Variants in DNAH3 observed in about 807,000 individuals in gnomAD.
DNAH3 encodes the protein dynein axonemal heavy chain 3, also known as axonemal beta dynein heavy chain 3.
DNAH3 carries 332 observed loss-of-function variants against 432.5 expected under a neutral mutation model. The observed-to-expected ratio is 0.77, with a 90% CI of 0.70 to 0.84. DNAH3 has a LOEUF of 0.84. DNAH3 is among the 40% of genes least tolerant of loss of function. The pLI is 0.00. For synonymous variants in DNAH3, 1,956 were observed against 1,900.2 expected (o/e 1.03, Z -0.76); for missense variants, 4,861 against 5,114.0 (o/e 0.95, Z 1.51).
intron 19 of DNAH3, among the ~76,000 whole-genome samples, chr16:21,084,016 G>A (rs923171024): frequency 6.6e-6 from 1 of 152,048 alleles, no homozygotes; most frequent in Non-Finnish European, 1.5e-5. Flanking sequence ...CCTACTGCCC[G>A]CTCCCTTCCT....
chr16:21,089,917 T>TA (rs1396501691), intron 18 of DNAH3, among the ~76,000 whole-genome samples: 1 of 151,716 alleles, frequency 6.6e-6, no homozygotes, highest in African/African-American at 2.4e-5. Context: ...AAAAAAAAGA[T>TA]AAACTTCTAG....
At chr16:20,952,265 T>C (rs1009093680) in intron 56 of DNAH3, among the ~76,000 whole-genome samples, 168 bp downstream of exon 56, 17 of 152,174 alleles carry the variant, frequency 1.1e-4, no homozygotes, top group African/African-American at 4.1e-4. Flanking sequence ...TTTTTTTGTT[T>C]GTTTGTTTCC....
chr16:21,112,599 C>G (rs1235750684), intron 12 of DNAH3, among the ~76,000 whole-genome samples: 1 of 152,152 alleles, frequency 6.6e-6, no homozygotes, highest in African/African-American at 2.4e-5. Flanking sequence ...CCCCATGGTT[C>G]AATGACCTCC....
At chr16:20,944,768 T>C in intron 57 of DNAH3, 105 bp from the exon 58 acceptor site, 1 of 1,023,292 alleles carries the variant, frequency 9.8e-7, no homozygotes. Flanking sequence ...ACTGTATCAG[T>C]AGCACAGGAC....
Position 20,974,934 on chromosome 16 carries a change from T to C in DNAH3, c.8259+299A>G, listed in dbSNP as rs376202105. On this transcript the variant is annotated intron_variant, in intron 51 of 61. Transcript: ENST00000261383. ...CCCAGGTTCAAGCAATTCCCCTGCC[T>C]CAGCTTCCTGAGTAGCTCGGATTAC... Among the ~76,000 whole-genome samples, 13 of 150,974 alleles carry C rather than the reference T, an allele frequency of 8.6e-5. No individual in the cohort carries two copies. In the East Asian group the frequency reaches 2.3e-3, roughly 27 times the overall value.
At chr16:20,985,712 G>C (rs759215220) in exon 48 of DNAH3, 3 of 1,611,600 alleles carry the variant, frequency 1.9e-6, no homozygotes, top group Non-Finnish European at 2.5e-6. Flanking sequence ...AAGTGGATAA[G>C]CACCTGTAAG....
At chr16:20,963,796 C>T (rs760740628) in exon 53 of DNAH3, 42 of 1,613,874 alleles carry the variant, frequency 2.6e-5, no homozygotes, top group South Asian at 4.4e-5. Context: ...AAACAGAGAA[C>T]GGCACACGTT....
At chr16:21,117,985 TTTTTGTTTTG>T (rs970459254) in intron 11 of DNAH3, among the ~76,000 whole-genome samples, 1 of 152,066 alleles carries the variant, frequency 6.6e-6, no homozygotes, top group African/African-American at 2.4e-5. Flanking sequence ...CGTGGGTTTT[TTTTTGTTTTG>T]TTTTGTTTTT....
exon 53 of DNAH3, chr16:20,965,153 C>A (rs767157348): frequency 6.2e-7 from 1 of 1,614,128 alleles, no homozygotes; most frequent in Non-Finnish European, 8.5e-7. Context: ...TTCCCCTCTG[C>A]CTCCCTCAGT....
intron 41 of DNAH3, among the ~76,000 whole-genome samples, chr16:21,015,622 G>A (rs924461833): frequency 2.0e-5 from 3 of 152,168 alleles, no homozygotes; most frequent in African/African-American, 7.2e-5. Flanking sequence ...ACTGCAAGAT[G>A]TTAATGAAAG....
At chr16:20,990,494 A>T (rs2086501201) in intron 44 of DNAH3, among the ~76,000 whole-genome samples, 1 of 152,216 alleles carries the variant, frequency 6.6e-6, no homozygotes, top group Non-Finnish European at 1.5e-5. Flanking sequence ...ACAATTTTAG[A>T]ACATTTTAAT....
chr16:20,964,178 T>C, exon 53 of DNAH3: 1 of 1,606,936 alleles, frequency 6.2e-7, no homozygotes, highest in Non-Finnish European at 8.5e-7. Flanking sequence ...TCAATTTCCT[T>C]GAGATGCTTC....
rs2092615341 is a variant in DNAH3 at position 21,134,501 on chromosome 16, G to C, written c.887-47C>G. On this transcript the variant is annotated intron_variant, in intron 6 of 61. Transcript: ENST00000261383. Reference sequence around the variant, plus strand: ...ACCTCATTATTAAGCTCTAAGGGTTGTGCTCTTAGCTTCAACTCATTTAGT... The same window carrying C: ...ACCTCATTATTAAGCTCTAAGGGTTCTGCTCTTAGCTTCAACTCATTTAGT... 2.0e-6 allele frequency: 3 copies of C among 1,536,374 alleles called. No individual in the cohort carries two copies. In the South Asian group the frequency reaches 3.5e-5, roughly 18 times the overall value.
chr16:20,993,028 TCTA>T (rs2086623692), intron 44 of DNAH3, among the ~76,000 whole-genome samples: 1 of 151,714 alleles, frequency 6.6e-6, no homozygotes, highest in Admixed American at 6.6e-5. Context: ...ACCATGCCTG[TCTA>T]ATTTTTGTAT....
chr16:21,025,635 A>G (rs2088512021), intron 38 of DNAH3, among the ~76,000 whole-genome samples: 1 of 151,766 alleles, frequency 6.6e-6, no homozygotes, highest in Non-Finnish European at 1.5e-5. Context: ...ATTTATTTAT[A>G]TAGTTGCATG....
intron 7 of DNAH3, among the ~76,000 whole-genome samples, chr16:21,128,865 GAAAAAAA>G (rs766015503): frequency 1.8e-5 from 1 of 55,808 alleles, no homozygotes; most frequent in Non-Finnish European, 3.8e-5. Flanking sequence ...TCTCTACAAA[GAAAAAAA>G]AAAAAAAAAA....
chr16:21,030,733 T>A (rs913852804), intron 37 of DNAH3, among the ~76,000 whole-genome samples: 1 of 152,162 alleles, frequency 6.6e-6, no homozygotes, highest in African/African-American at 2.4e-5. Flanking sequence ...AAAACTGAGA[T>A]TCAGAGAAGT....
chr16:21,140,774 C>T, intron 4 of DNAH3, 64 bp from the exon 6 acceptor site: 1 of 1,494,744 alleles, frequency 6.7e-7, no homozygotes, highest in South Asian at 1.2e-5. Context: ...GTGGTGTTGC[C>T]TACTTTCCCT....
chr16:20,964,443 G>C, exon 53 of DNAH3: 1 of 1,614,166 alleles, frequency 6.2e-7, no homozygotes, highest in Non-Finnish European at 8.5e-7. Context: ...CTTGCTGTTT[G>C]AATGTTGCCT....
Sources: gnomAD v4.1 joint callset for allele counts (sites outside exome capture counted in the v4.1 genomes callset) on GRCh38, gnomAD v4.1.1 for gene constraint, MANE v1.5 for transcripts, NCBI Gene and HGNC (gene_info 2026-07-23, HGNC 2026-07-21) for gene names.